SNX30: variants seen among roughly 807,000 people sequenced by gnomAD.
SNX30 encodes sorting nexin family member 30.
In SNX30, 24 loss-of-function variants were observed where a neutral mutation model predicts 46.4. That is an observed-to-expected ratio of 0.52 (90% CI 0.37 to 0.73). The LOEUF is 0.73. Among genes scored for constraint, SNX30 ranks in the 30% least tolerant of loss-of-function variants. SNX30 has a pLI of 0.00. For missense variants in SNX30, 533 were observed against 555.7 expected (o/e 0.96, Z 0.41); for synonymous variants, 189 against 211.5 (o/e 0.89, Z 0.92).
chr9:112,866,426 A>G, intron 8 of SNX30: 1 of 470,658 alleles, frequency 2.1e-6, no homozygotes, highest in South Asian at 1.5e-5. Context: ...AGTTTGGTAC[A>G]TTTGAGGACC....
intron 4 of SNX30, among the ~76,000 whole-genome samples, chr9:112,834,843 A>ACAC (rs1840723275): frequency 8.9e-5 from 7 of 78,316 alleles, no homozygotes; most frequent in South Asian, 5.9e-4. Flanking sequence ...CACACACACA[A>ACAC]ACACACACAC....
chr9:112,839,654 A>G (rs1840823661), intron 6 of SNX30, among the ~76,000 whole-genome samples: 2 of 152,204 alleles, frequency 1.3e-5, no homozygotes, highest in African/African-American at 2.4e-5. Flanking sequence ...CCCAGTCTTT[A>G]TGACCAATAG....
At chr9:112,792,135 T>C (rs1420314785) in intron 1 of SNX30, among the ~76,000 whole-genome samples, 1 of 152,248 alleles carries the variant, frequency 6.6e-6, no homozygotes, top group East Asian at 1.9e-4. Flanking sequence ...TTGAATAAAG[T>C]AGGACTTACT....
chr9:112,832,358 G>A (rs912603646), intron 4 of SNX30, among the ~76,000 whole-genome samples: 2 of 150,354 alleles, frequency 1.3e-5, no homozygotes, highest in African/African-American at 4.9e-5. Context: ...CATGTTTACT[G>A]AACAAAAAAG....
intron 1 of SNX30, among the ~76,000 whole-genome samples, chr9:112,794,666 AT>A (rs1290373799): frequency 4.6e-5 from 7 of 152,178 alleles, no homozygotes; most frequent in Middle Eastern, 3.2e-3. Flanking sequence ...AGCATAACTT[AT>A]TTTTATTAAA....
At chr9:112,880,876 G>C (rs1022293141) in intron 5 of SNX30, among the ~76,000 whole-genome samples, 5 of 152,044 alleles carry the variant, frequency 3.3e-5, no homozygotes, top group African/African-American at 1.2e-4. Context: ...CTTACTCCAG[G>C]TTCATTCCAG....
chr9:112,819,992 T>C (rs1279744923), intron 3 of SNX30, among the ~76,000 whole-genome samples: 2 of 152,212 alleles, frequency 1.3e-5, no homozygotes, highest in Non-Finnish European at 2.9e-5. Context: ...GCCCACACCA[T>C]GCATCAGGGA....
chr9:112,837,874 G>A (rs1299509650), intron 5 of SNX30, among the ~76,000 whole-genome samples: 2 of 148,132 alleles, frequency 1.4e-5, no homozygotes, highest in Non-Finnish European at 3.0e-5. Flanking sequence ...ATGGGTAGGC[G>A]AGTGGTTCTT....
chr9:112,750,840 C>T lies in SNX30; in HGVS notation c.-162C>T. The T allele has an allele frequency of 2.0e-6, 1 of 499,622 alleles. No homozygotes were observed. The highest frequency in any genetic ancestry group is 2.6e-6 in the Non-Finnish European group (1 of 382,228). The allele number at this position is 499,622 out of a possible 1,614,324, so 30.9% of individuals were successfully genotyped here. Reference sequence around the variant, plus strand: ...GGCGCGGAGCGGAGCGTCTGAGCGCCGGCAGAGACCAGCCGGCGGGTGGCG... The same window carrying T: ...GGCGCGGAGCGGAGCGTCTGAGCGCTGGCAGAGACCAGCCGGCGGGTGGCG... On this transcript the variant is annotated 5_prime_UTR_variant, in exon 1 of 9. Transcript: ENST00000374232.
chr9:112,794,353 A>G (rs1840073953), intron 1 of SNX30, among the ~76,000 whole-genome samples: 1 of 152,014 alleles, frequency 6.6e-6, no homozygotes, highest in African/African-American at 2.4e-5. Context: ...GGGTTTTACC[A>G]TGTTGGTCAG....
intron 6 of SNX30, among the ~76,000 whole-genome samples, chr9:112,843,314 C>G (rs1429217706): frequency 6.6e-6 from 1 of 152,068 alleles, no homozygotes; most frequent in Non-Finnish European, 1.5e-5. Context: ...TATGTCAATA[C>G]GCATGCTTAT....
In SNX30 at chr9:112,833,387, A is replaced by G. The variant is rs1840699560; in HGVS notation, c.618+2504A>G. On this transcript the variant is annotated intron_variant, in intron 4 of 8. Transcript: ENST00000374232. Reference sequence around the variant, plus strand: ...AGAAGAAGCCAAAAGGCTGTATGTAATGGCTCATGCCTGTAACACCCAGCG... The same window carrying G: ...AGAAGAAGCCAAAAGGCTGTATGTAGTGGCTCATGCCTGTAACACCCAGCG... Among the ~76,000 whole-genome samples the G allele has an allele frequency of 1.3e-5, 2 of 152,196 alleles. 1 individual carries two copies. Among genetic ancestry groups the G allele is most frequent in the South Asian group, 4.1e-4 (2 of 4,828 alleles).
chr9:112,759,032 C>CT (rs983879098), intron 1 of SNX30, among the ~76,000 whole-genome samples: 42 of 151,578 alleles, frequency 2.8e-4, no homozygotes, highest in Non-Finnish European at 5.2e-4. Flanking sequence ...CATCTGGTGC[C>CT]TTTTTTTTGT....
chr9:112,762,313 A>G (rs1015890017), intron 1 of SNX30, among the ~76,000 whole-genome samples: 2 of 152,120 alleles, frequency 1.3e-5, no homozygotes, highest in Non-Finnish European at 2.9e-5. Context: ...CGGGAAGAGC[A>G]CACAGCGTGT....
At chr9:112,834,592 A>G (rs538791921) in intron 4 of SNX30, among the ~76,000 whole-genome samples, 2 of 152,206 alleles carry the variant, frequency 1.3e-5, no homozygotes, top group South Asian at 4.2e-4. Flanking sequence ...CTCTAAACCC[A>G]GCTCTCTTGG....
intron 1 of SNX30, among the ~76,000 whole-genome samples, chr9:112,753,311 A>G (rs1250025759): frequency 6.6e-6 from 1 of 152,206 alleles, no homozygotes; most frequent in African/African-American, 2.4e-5. Context: ...TCTCAAGTCT[A>G]ATTACCGATG....
chr9:112,822,536 G>GTT (rs139781990), intron 3 of SNX30, among the ~76,000 whole-genome samples: 20,132 of 123,522 alleles, frequency 0.16, 2,658 homozygotes, highest in East Asian at 0.22. Flanking sequence ...TTGCTGTTTT[G>GTT]TTTTGTTTTT....
rs1383817839 is a variant in SNX30 at position 112,870,878 on chromosome 9, G to A, written c.*2035G>A. ...AAGGTATGCTTTACAAATGTCCAGT[G>A]TAATGAATGTTTGGAAAAAACTGGA... On this transcript the variant is annotated 3_prime_UTR_variant, in exon 9 of 9. Transcript: ENST00000374232. 3 of 152,238 alleles carry A rather than the reference G, an allele frequency of 2.0e-5. No individual in the cohort carries two copies. The highest frequency in any genetic ancestry group is 6.5e-5 in the Admixed American group (1 of 15,282). 9.4% of individuals were successfully genotyped at this position (152,238 alleles called of 1,614,324 possible).
chr9:112,858,846 C>T (rs1841178968), intron 7 of SNX30, among the ~76,000 whole-genome samples: 1 of 152,190 alleles, frequency 6.6e-6, no homozygotes, highest in African/African-American at 2.4e-5. Context: ...TAACCCTACA[C>T]ATGCTGGCTT....
Sources: gnomAD v4.1 joint callset for allele counts (sites outside exome capture counted in the v4.1 genomes callset) on GRCh38, gnomAD v4.1.1 for gene constraint, MANE v1.5 for transcripts, NCBI Gene and HGNC (gene_info 2026-07-23, HGNC 2026-07-21) for gene names.